Variants in UBR4 observed in about 807,000 individuals in gnomAD.
UBR4 encodes E3 ubiquitin-protein ligase UBR4.
In UBR4, 124 loss-of-function variants were observed where a neutral mutation model predicts 575.6. That is an observed-to-expected ratio of 0.22 (90% CI 0.19 to 0.25). UBR4 has a LOEUF of 0.25. Ranked by LOEUF, UBR4 falls within the 10% of genes least tolerant of loss-of-function variation. UBR4 has a pLI of 1.00. For missense variants in UBR4, 4,818 were observed against 6,478.8 expected (o/e 0.74, Z 8.80); for synonymous variants, 2,455 against 2,473.7 (o/e 0.99, Z 0.22).
At position 19,086,223 on chromosome 1, in the gene UBR4, G is replaced by C. The variant is rs867266389; in HGVS notation, c.14735C>G (p.Ala4912Gly). 6.2e-7 allele frequency: 1 copy of C among 1,614,004 alleles called. No individual in the cohort carries two copies. Among genetic ancestry groups the C allele is most frequent in the Admixed American group, 1.7e-5 (1 of 60,010 alleles). ...EEWESAALQN[A>G]NTKCNGLLPV... ...AAGGAGCCCGTTGCACTTGGTGTTG[G>C]CATTCTGCAGGGCGGCACTCTCCCA... The change falls in exon 101 of 106, where the codon GCC (alanine) becomes GGC (glycine). Residue 4912 changes from alanine to glycine, a missense_variant. Transcript: ENST00000375254.
intron 102 of UBR4, chr1:19,082,080 T>C (rs1029348780): frequency 1.0e-5 from 4 of 394,274 alleles, no homozygotes; most frequent in South Asian, 6.4e-5. Context: ...TAAATGTGCA[T>C]GTGGTTCCTT....
intron 66 of UBR4, 118 bp from the exon 67 acceptor site, chr1:19,122,130 T>C (rs2081247023): frequency 2.0e-6 from 2 of 987,770 alleles, no homozygotes; most frequent in Non-Finnish European, 3.2e-6. Flanking sequence ...CATGATCTTC[T>C]GAGCAAGGCA....
chr1:19,145,487 A>G (rs2084716875), intron 53 of UBR4, among the ~76,000 whole-genome samples: 1 of 147,022 alleles, frequency 6.8e-6, no homozygotes, highest in Non-Finnish European at 1.5e-5. Flanking sequence ...AAGATTTTTA[A>G]AAACAATTAT....
At position 19,160,985 on chromosome 1, in the gene UBR4, C is replaced by T; in HGVS notation, c.5338G>A (p.Glu1780Lys). The T allele has an allele frequency of 4.3e-6, 7 of 1,614,180 alleles. No individual in the cohort carries two copies. The highest frequency in any genetic ancestry group is 5.9e-6 in the Non-Finnish European group (7 of 1,180,022). ...AGGCTGCTCTTCTTGGGCTTCTCTT[C>T]GTCAGCAACCTTTCCATCACTGATG... ...VTISDGKVAD[E>K]EKPKKSSLCR... Residue 1780 changes from glutamate to lysine, a missense_variant, in exon 38 of 106, where the codon GAA becomes AAA. Transcript: ENST00000375254.
chr1:19,196,129 C>A (rs192603993), intron 8 of UBR4, among the ~76,000 whole-genome samples: 1 of 152,248 alleles, frequency 6.6e-6, no homozygotes, highest in East Asian at 1.9e-4. Context: ...AACATCAGAG[C>A]TCCTTCATGA....
intron 20 of UBR4, among the ~76,000 whole-genome samples, chr1:19,176,376 G>A (rs985862156): frequency 3.9e-5 from 6 of 152,200 alleles, no homozygotes; most frequent in African/African-American, 1.4e-4. Flanking sequence ...TTACAGGCAT[G>A]AGCCACAGTG....
rs183120130 is a variant in UBR4, at chr1:19,074,723, G to A, written c.*109C>T. ...CAAGAAAAATGAGAGAGGGGAGGGC[G>A]GGGTAACAATGCAGCATCCCGCGGA... is the stretch of plus-strand genomic sequence containing the variant. On this transcript the variant is annotated 3_prime_UTR_variant, in exon 106 of 106. Coordinates refer to ENST00000375254, the MANE Select transcript of UBR4 (RefSeq NM_020765.3). The A allele has an allele frequency of 1.3e-4, 162 of 1,253,912 alleles. No individual in the cohort carries two copies. The highest frequency in any genetic ancestry group is 9.6e-4 in the Middle Eastern group (4 of 4,158). 77.7% of individuals were successfully genotyped at this position (1,253,912 alleles called of 1,614,324 possible).
At position 19,199,676 on chromosome 1, in the gene UBR4, G is replaced by T; in HGVS notation, c.353C>A (p.Pro118Gln). Reference sequence around the variant, plus strand: ...CTGGGACACAGCACAAGCCTCATCTGGATTCTCCAGACGCAGGAGAGAAAA... The same window carrying T: ...CTGGGACACAGCACAAGCCTCATCTTGATTCTCCAGACGCAGGAGAGAAAA... ...IEFSLLRLENPDEACAVSQKH... is the reference protein window; with the variant it reads ...IEFSLLRLENQDEACAVSQKH... The change falls in exon 3 of 106, where the codon CCA becomes CAA. Residue 118 changes from proline to glutamine, a missense_variant. Around this residue, in one of 29 missense-constraint regions of UBR4, gnomAD observed 85 missense variants for 134.2 expected, o/e 0.63. Coordinates refer to ENST00000375254, the MANE Select transcript of UBR4 (RefSeq NM_020765.3). 1 of 1,614,102 alleles carries T rather than the reference G, an allele frequency of 6.2e-7. No individual in the cohort carries two copies. The highest frequency in any genetic ancestry group is 8.5e-7 in the Non-Finnish European group (1 of 1,179,988).
At chr1:19,194,623 G>A (rs895631483) in intron 8 of UBR4, among the ~76,000 whole-genome samples, 2 of 152,036 alleles carry the variant, frequency 1.3e-5, no homozygotes, top group Non-Finnish European at 2.9e-5. Context: ...CCAACATGGT[G>A]AAACCCCATC....
At chr1:19,151,482 G>C in intron 48 of UBR4, 161 bp downstream of exon 48, 1 of 737,430 alleles carries the variant, frequency 1.4e-6, no homozygotes, top group South Asian at 1.7e-5. Context: ...CTGTCACCTT[G>C]CCTCTTTAAT....
chr1:19,173,062 G>A lies in UBR4; in HGVS notation c.3323C>T (p.Thr1108Ile), dbSNP rs563548059. 33 of 1,614,210 alleles carry A rather than the reference G, an allele frequency of 2.0e-5. No homozygotes were observed. In the South Asian group the frequency reaches 3.5e-4, roughly 17 times the overall value. ...ISSFCSIDCT[T>I]ILQLHEIPSL... ...GGGAATTTCATGCAGCTGCAAGATGGTGGTACAGTCGATACTACAGAAGGA... is the reference window on the plus strand; with the variant it reads ...GGGAATTTCATGCAGCTGCAAGATGATGGTACAGTCGATACTACAGAAGGA... The change falls in exon 25 of 106, where the codon ACC becomes ATC. Residue 1108 changes from threonine (T) to isoleucine (I), a missense_variant. Transcript: ENST00000375254.
intron 2 of UBR4, among the ~76,000 whole-genome samples, chr1:19,201,397 C>A (rs1181486056): frequency 5.3e-5 from 8 of 152,082 alleles, no homozygotes; most frequent in Non-Finnish European, 1.5e-5. Flanking sequence ...CCACCGCCTT[C>A]CCCCCAGGGA....
At position 19,173,257 on chromosome 1, in the gene UBR4, A is replaced by G; in HGVS notation, c.3215T>C (p.Leu1072Pro). The change falls in exon 24 of 106, where the codon CTA (leucine) becomes CCA (proline). Residue 1072 changes from leucine to proline, a missense_variant. Transcript: ENST00000375254. Reference sequence around the variant, plus strand: ...ACACTTAGTGGTGGATGCCAGTTCTAGAAGCGAGCTAGCATGCTCAGCCTT... The same window carrying G: ...ACACTTAGTGGTGGATGCCAGTTCTGGAAGCGAGCTAGCATGCTCAGCCTT... ...GMKAEHASSL[L>P]ELASTTKCSS... 6.2e-7 allele frequency: 1 copy of G among 1,614,208 alleles called. No individual in the cohort carries two copies. The highest frequency in any genetic ancestry group is 8.5e-7 in the Non-Finnish European group (1 of 1,180,040).
At chr1:19,130,873 T>A (rs2082343265) in intron 60 of UBR4, among the ~76,000 whole-genome samples, 1 of 152,102 alleles carries the variant, frequency 6.6e-6, no homozygotes, top group Non-Finnish European at 1.5e-5. Flanking sequence ...TGGACCAAGA[T>A]CACAGCAGAG....
intron 84 of UBR4, among the ~76,000 whole-genome samples, chr1:19,105,466 T>C (rs1049407197): frequency 1.3e-5 from 2 of 152,218 alleles, no homozygotes; most frequent in African/African-American, 4.8e-5. Flanking sequence ...AATAAGATAA[T>C]GCATGCCAAG....
At position 19,094,023 on chromosome 1, in the gene UBR4, C is replaced by A. The variant is rs540655585; in HGVS notation, c.13863G>T (p.Pro4621=). 3 of 1,614,020 alleles carry A rather than the reference C, an allele frequency of 1.9e-6. No homozygotes were observed. The highest frequency in any genetic ancestry group is 2.5e-6 in the Non-Finnish European group (3 of 1,179,988). ...TCTCCACCTCTCCAAAGGAAAGGTA[C>A]GGGATGATGCGAAGCAGGCCCTGGA... ...SVLQGLLRII[P]YLSFGEVEKM... Residue 4621 remains proline (P), a synonymous_variant, in exon 95 of 106, where the codon CCG becomes CCT. Coordinates refer to ENST00000375254, the MANE Select transcript of UBR4 (RefSeq NM_020765.3).
intron 69 of UBR4, 146 bp from the exon 70 acceptor site, chr1:19,119,847 C>A: frequency 8.9e-7 from 1 of 1,128,214 alleles, no homozygotes; most frequent in Non-Finnish European, 1.2e-6. Context: ...ATCAATCCTA[C>A]CAGATGCAGC....
At chr1:19,186,455 G>C in intron 14 of UBR4, 85 bp downstream of exon 14, 1 of 1,238,560 alleles carries the variant, frequency 8.1e-7, no homozygotes, top group African/African-American at 1.5e-5. Context: ...CTTTTGTTTG[G>C]TCAGGAAACT....
intron 77 of UBR4, 165 bp from the exon 78 acceptor site, chr1:19,113,032 G>A: frequency 1.4e-6 from 1 of 718,264 alleles, no homozygotes. Context: ...TTACAGAGAA[G>A]GAAACTGAAG....
Sources: allele counts gnomAD v4.1 joint callset (sites outside exome capture counted in the v4.1 genomes callset), GRCh38; gene constraint gnomAD v4.1.1; regional missense constraint gnomAD v4.1.1; transcripts MANE v1.5; gene names NCBI Gene and HGNC (gene_info 2026-07-23, HGNC 2026-07-21).